The following OR3A1 variants were observed in gnomAD, a reference collection of about 807,000 sequenced individuals.
OR3A1 encodes the protein olfactory receptor 3A1.
For missense variants in OR3A1, 402 were observed against 393.8 expected (o/e 1.02, Z -0.18); for synonymous variants, 145 against 160.0 (o/e 0.91, Z 0.71).
At position 3,292,598 on chromosome 17, in the gene OR3A1, A is replaced by C; in HGVS notation, c.-6-10T>G. On this transcript the variant is annotated splice_polypyrimidine_tract_variant and intron_variant, in intron 1 of 1. Coordinates refer to ENST00000323404, the MANE Select transcript of OR3A1 (RefSeq NM_002550.3). ...CTGGCTGCATGAGTTCCTGCAAAGA[A>C]ACATCCAGGGAGGAAAAGAATCACT... 1 of 1,575,906 alleles carries C rather than the reference A, an allele frequency of 6.3e-7. No individual in the cohort carries two copies. The highest frequency in any genetic ancestry group is 8.7e-7 in the Non-Finnish European group (1 of 1,155,902).
intron 1 of OR3A1, among the ~76,000 whole-genome samples, chr17:3,296,162 T>C (rs1167103531): frequency 2.0e-5 from 3 of 152,088 alleles, no homozygotes; most frequent in Non-Finnish European, 4.4e-5. Context: ...AACAATGATA[T>C]ATGATCACAG....
chr17:3,294,330 A>C (rs1306790925), intron 1 of OR3A1, among the ~76,000 whole-genome samples: 3 of 151,994 alleles, frequency 2.0e-5, no homozygotes, highest in Non-Finnish European at 4.4e-5. Context: ...TTACTATACC[A>C]AAAAAACCAA....
intron 1 of OR3A1, among the ~76,000 whole-genome samples, chr17:3,295,739 C>A (rs758626846): frequency 6.6e-6 from 1 of 151,558 alleles, no homozygotes; most frequent in Non-Finnish European, 1.5e-5. Flanking sequence ...TAAAGGAATA[C>A]CAGTCAGATG....
At position 3,291,290 on chromosome 17, in the gene OR3A1, G is replaced by A; in HGVS notation, c.*345C>T. On this transcript the variant is annotated 3_prime_UTR_variant, in exon 2 of 2. Coordinates refer to ENST00000323404, the MANE Select transcript of OR3A1 (RefSeq NM_002550.3). ...GACTTCTGGCGGGGAGTTTTCTGGG[G>A]TACTTCTGGCAACTAAGGCTGTAAC... 1 of 211,220 alleles carries A rather than the reference G, an allele frequency of 4.7e-6. No homozygotes were observed. Among genetic ancestry groups the A allele is most frequent in the Non-Finnish European group, 9.4e-6 (1 of 106,366 alleles). The allele number at this position is 211,220 out of a possible 1,614,324, so 13.1% of individuals were successfully genotyped here. A position where few individuals can be genotyped will look rare whatever the true frequency, so the allele number is the denominator to read the frequency against.
rs2048877402 is a variant in OR3A1 at position 3,292,131 on chromosome 17, G to T, written c.452C>A (p.Ser151Tyr). ...QTVQRMLVAA[S>Y]WACAFTNALT... Reference sequence around the variant, plus strand: ...TGCGTTGGTGAAAGCACAAGCCCAGGACGCAGCCACCAACATCCTCTGGAC... The same window carrying T: ...TGCGTTGGTGAAAGCACAAGCCCAGTACGCAGCCACCAACATCCTCTGGAC... Residue 151 changes from serine (S) to tyrosine (Y), a missense_variant, in exon 2 of 2, where the codon TCC (serine) becomes TAC (tyrosine). Ser to Tyr is a moderately radical substitution (Grantham distance 144). Transcript: ENST00000323404. 1 of 1,614,166 alleles carries T rather than the reference G, an allele frequency of 6.2e-7. No individual in the cohort carries two copies. Among genetic ancestry groups the T allele is most frequent in the Non-Finnish European group, 8.5e-7 (1 of 1,180,028 alleles).
intron 1 of OR3A1, 73 bp from the exon 2 acceptor site, chr17:3,292,661 A>T: frequency 4.7e-6 from 6 of 1,277,166 alleles, no homozygotes; most frequent in Non-Finnish European, 6.4e-6. Context: ...AAAGAAACAG[A>T]CCCCCTTCTA....
chr17:3,292,649 A>G, intron 1 of OR3A1, 61 bp from the exon 2 acceptor site: 1 of 1,369,274 alleles, frequency 7.3e-7, no homozygotes, highest in Non-Finnish European at 9.9e-7. Flanking sequence ...TTTACTCAAG[A>G]AAAAGAAACA....
chr17:3,295,143 A>G (rs748678193), intron 1 of OR3A1, among the ~76,000 whole-genome samples: 1 of 152,146 alleles, frequency 6.6e-6, no homozygotes, highest in Non-Finnish European at 1.5e-5. Flanking sequence ...CTCAAAAGGT[A>G]AAATGTTTAT....
intron 1 of OR3A1, among the ~76,000 whole-genome samples, chr17:3,295,972 T>G (rs2048915336): frequency 6.6e-6 from 1 of 152,142 alleles, no homozygotes; most frequent in Admixed American, 6.5e-5. Context: ...TTTTAGTGAC[T>G]TTCAGTCCAT....
intron 1 of OR3A1, among the ~76,000 whole-genome samples, chr17:3,296,784 A>T (rs936948679): frequency 2.6e-5 from 4 of 152,188 alleles, no homozygotes; most frequent in African/African-American, 9.7e-5. Context: ...ATACAGAGAA[A>T]GTTGTTCAAA....
chr17:3,297,975 G>A (rs2048933157), intron 1 of OR3A1, among the ~76,000 whole-genome samples: 1 of 151,932 alleles, frequency 6.6e-6, no homozygotes, highest in African/African-American at 2.4e-5. Flanking sequence ...TTTCTTTGTT[G>A]TTCTTCTTTT....
At chr17:3,297,045 G>A (rs1000633287) in intron 1 of OR3A1, among the ~76,000 whole-genome samples, 10 of 152,176 alleles carry the variant, frequency 6.6e-5, no homozygotes, top group African/African-American at 2.2e-4. Flanking sequence ...TTTCTACACA[G>A]GTTCATTTTA....
At chr17:3,296,684 A>G (rs1276175545) in intron 1 of OR3A1, among the ~76,000 whole-genome samples, 1 of 152,222 alleles carries the variant, frequency 6.6e-6, no homozygotes, top group African/African-American at 2.4e-5. Context: ...AAAATTGGAC[A>G]TAATTGGTAA....
At chr17:3,293,611 C>G (rs1469933616) in intron 1 of OR3A1, among the ~76,000 whole-genome samples, 1 of 152,058 alleles carries the variant, frequency 6.6e-6, no homozygotes, top group East Asian at 1.9e-4. Context: ...GGTAAATAAA[C>G]AAGAAAGACA....
Position 3,292,142 on chromosome 17 carries a change from C to G in OR3A1, c.441G>C (p.Leu147Phe), listed in dbSNP as rs145783222. 1.9e-6 allele frequency: 3 copies of G among 1,614,038 alleles called. No individual in the cohort carries two copies. The highest frequency in any genetic ancestry group is 2.5e-6 in the Non-Finnish European group (3 of 1,180,032). The part of the protein sequence containing the change: ...TRMSQTVQRM[L>F]VAASWACAFT... Reference sequence around the variant, plus strand: ...AAGCACAAGCCCAGGACGCAGCCACCAACATCCTCTGGACTGTCTGACTCA... The same window carrying G: ...AAGCACAAGCCCAGGACGCAGCCACGAACATCCTCTGGACTGTCTGACTCA... Residue 147 changes from leucine to phenylalanine, a missense_variant, in exon 2 of 2, where the codon TTG (leucine) becomes TTC (phenylalanine). Physicochemically the swap from Leu to Phe is conservative, Grantham distance 22 (BLOSUM62 0). Coordinates refer to ENST00000323404, the MANE Select transcript of OR3A1 (RefSeq NM_002550.3).
At chr17:3,297,010 C>G (rs190813478) in intron 1 of OR3A1, among the ~76,000 whole-genome samples, 5 of 152,316 alleles carry the variant, frequency 3.3e-5, no homozygotes, top group Admixed American at 1.3e-4. Context: ...GTAGCTGCCC[C>G]CTCTGGGCCC....
chr17:3,297,925 C>T (rs2048932741), intron 1 of OR3A1, among the ~76,000 whole-genome samples: 1 of 151,904 alleles, frequency 6.6e-6, no homozygotes, highest in South Asian at 2.1e-4. Context: ...AGAAGTACTG[C>T]TGTAGGTGTC....
chr17:3,296,856 A>T (rs2048922464), intron 1 of OR3A1, among the ~76,000 whole-genome samples: 1 of 152,194 alleles, frequency 6.6e-6, no homozygotes, highest in South Asian at 2.1e-4. Flanking sequence ...AAAATGGAAA[A>T]ATTGTGTTAA....
rs764345010 is a variant in OR3A1 at position 3,292,600 on chromosome 17, C to A, written c.-6-12G>T. 1 of 1,563,938 alleles carries A rather than the reference C, an allele frequency of 6.4e-7. No individual in the cohort carries two copies. The highest frequency in any genetic ancestry group is 1.2e-5 in the South Asian group (1 of 85,872). On this transcript the variant is annotated splice_polypyrimidine_tract_variant and intron_variant, in intron 1 of 1. Transcript: ENST00000323404. The stretch of plus-strand genomic sequence containing the variant: ...GGCTGCATGAGTTCCTGCAAAGAAA[C>A]ATCCAGGGAGGAAAAGAATCACTCC...
Sources: allele counts gnomAD v4.1 joint callset (sites outside exome capture counted in the v4.1 genomes callset), GRCh38; gene constraint gnomAD v4.1.1; transcripts MANE v1.5; gene names NCBI Gene and HGNC (gene_info 2026-07-23, HGNC 2026-07-21).